The following SUPT3H variants were observed in gnomAD, a reference collection of about 807,000 sequenced individuals.
SUPT3H encodes transcription initiation protein SPT3 homolog.
A neutral mutation model predicts 44.3 loss-of-function variants in SUPT3H; 44 were observed. The ratio of observed to expected loss-of-function variants is 0.99; its 90% CI spans 0.78 to 1.28. The LOEUF (loss-of-function observed/expected upper bound fraction) is 1.28, where lower values mean the gene tolerates loss of function less well. SUPT3H is among the 50% of genes most tolerant of loss of function. The pLI is 0.00. For synonymous variants in SUPT3H, 124 were observed against 125.6 expected, an observed-to-expected ratio of 0.99 and a Z score of 0.09; for missense variants, 380 against 387.1, an observed-to-expected ratio of 0.98 and a Z score of 0.15.
chr6:44,898,692 G>A (rs1177063758), intron 10 of SUPT3H: 1 of 152,356 alleles, frequency 6.6e-6, no homozygotes, highest in Non-Finnish European at 1.5e-5. Flanking sequence ...ACTGCCACAG[G>A]GCCTGGCCGC....
intron 2 of SUPT3H, among the ~76,000 whole-genome samples, chr6:45,301,686 T>G (rs998222772): frequency 1.1e-4 from 16 of 152,214 alleles, no homozygotes; most frequent in Non-Finnish European, 1.0e-4. Flanking sequence ...CTCTTAACAT[T>G]GTCAAATACT....
At chr6:45,292,419 AAC>A (rs1780459211) in intron 2 of SUPT3H, among the ~76,000 whole-genome samples, 1 of 152,118 alleles carries the variant, frequency 6.6e-6, no homozygotes, top group African/African-American at 2.4e-5. Flanking sequence ...AAAAAACAAA[AAC>A]AAAATCTAAT....
At chr6:44,909,140 TGC>T (rs899949050) in intron 10 of SUPT3H, among the ~76,000 whole-genome samples, 12 of 81,260 alleles carry the variant, frequency 1.5e-4, no homozygotes, top group South Asian at 6.8e-4. Flanking sequence ...TGTGTGTGTG[TGC>T]GTGTGTGTGT....
chr6:44,855,058 T>C (rs546745115), intron 10 of SUPT3H, among the ~76,000 whole-genome samples: 1 of 152,350 alleles, frequency 6.6e-6, no homozygotes, highest in South Asian at 2.1e-4. Context: ...CTTGCAATTC[T>C]TGGGTTATCA....
chr6:45,215,536 A>C (rs1764896825), intron 2 of SUPT3H, among the ~76,000 whole-genome samples: 1 of 152,206 alleles, frequency 6.6e-6, no homozygotes. Context: ...TCAATGAATG[A>C]AATTTTTAAA....
intron 10 of SUPT3H, among the ~76,000 whole-genome samples, chr6:44,858,466 ATTGCT>A (rs1436079646): frequency 1.3e-5 from 2 of 152,168 alleles, no homozygotes; most frequent in African/African-American, 2.4e-5. Context: ...ATTTTGTTGC[ATTGCT>A]TTGTTTTGGT....
At chr6:44,859,618 G>A (rs2153424859) in intron 10 of SUPT3H, among the ~76,000 whole-genome samples, 1 of 152,242 alleles carries the variant, frequency 6.6e-6, no homozygotes, top group East Asian at 1.9e-4. Flanking sequence ...TGACAAATGT[G>A]TTGACCAAAG....
intron 2 of SUPT3H, among the ~76,000 whole-genome samples, chr6:45,253,933 A>G (rs576761119): frequency 1.3e-5 from 2 of 149,190 alleles, no homozygotes; most frequent in East Asian, 2.0e-4. Flanking sequence ...ACAAAAATAC[A>G]TACATATATA....
rs529504054 is a variant in SUPT3H at position 44,933,100 on chromosome 6, A to T, written c.802-337T>A. Reference sequence around the variant, plus strand: ...AAGAACCACAGGAAGTTATTTTTTTAAAAAAAACATTTTAACATTTATTAT... The same window carrying T: ...AAGAACCACAGGAAGTTATTTTTTTTAAAAAAACATTTTAACATTTATTAT... On this transcript the variant is annotated intron_variant, in intron 9 of 10. Transcript: ENST00000371459. Among the ~76,000 whole-genome samples, 560 of 148,742 alleles carry T rather than the reference A, an allele frequency of 3.8e-3. 1 individual carries two copies. Among genetic ancestry groups the T allele is most frequent in the African/African-American group, 0.013 (506 of 38,388 alleles).
intron 2 of SUPT3H, among the ~76,000 whole-genome samples, chr6:45,257,485 T>C (rs1289871370): frequency 1.3e-5 from 2 of 152,200 alleles, no homozygotes; most frequent in African/African-American, 4.8e-5. Flanking sequence ...ATGTCATACA[T>C]AGACTAGGTT....
intron 10 of SUPT3H, among the ~76,000 whole-genome samples, chr6:44,898,232 G>A (rs578143467): frequency 1.3e-5 from 2 of 152,208 alleles, no homozygotes; most frequent in African/African-American, 4.8e-5. Context: ...CTTGCCTCCG[G>A]GTATTCATGC....
At chr6:45,162,188 T>G (rs1371620982) in intron 2 of SUPT3H, among the ~76,000 whole-genome samples, 2 of 151,960 alleles carry the variant, frequency 1.3e-5, no homozygotes, top group Non-Finnish European at 2.9e-5. Flanking sequence ...AATTCAGTGT[T>G]ATATGACTTG....
chr6:44,891,520 C>T (rs1763312635), intron 10 of SUPT3H, among the ~76,000 whole-genome samples: 1 of 151,852 alleles, frequency 6.6e-6, no homozygotes, highest in Non-Finnish European at 1.5e-5. Flanking sequence ...TCATATAATT[C>T]CATTTATATG....
chr6:45,135,650 A>G (rs916352614), intron 2 of SUPT3H, among the ~76,000 whole-genome samples: 2 of 151,758 alleles, frequency 1.3e-5, no homozygotes, highest in Non-Finnish European at 2.9e-5. Flanking sequence ...CAGTGCCCTT[A>G]TAAAAGAAAC....
chr6:45,039,647 T>G (rs1788211656), intron 3 of SUPT3H, among the ~76,000 whole-genome samples: 1 of 151,780 alleles, frequency 6.6e-6, no homozygotes, highest in South Asian at 2.1e-4. Flanking sequence ...GGGCGTGGTG[T>G]TGGGCTCCTG....
intron 5 of SUPT3H, among the ~76,000 whole-genome samples, chr6:45,006,249 T>C (rs1208982557): frequency 1.3e-5 from 2 of 152,124 alleles, no homozygotes; most frequent in Non-Finnish European, 2.9e-5. Context: ...TGGTTGTTTA[T>C]AATGTCTCAA....
At chr6:44,952,204 TC>T (rs1774419193) in intron 9 of SUPT3H, among the ~76,000 whole-genome samples, 3 of 152,180 alleles carry the variant, frequency 2.0e-5, no homozygotes, top group Admixed American at 1.3e-4. Flanking sequence ...TTTCTATGTA[TC>T]CTAGAGCAGA....
chr6:45,370,940 A>T (rs1198090814), intron 1 of SUPT3H, among the ~76,000 whole-genome samples: 8 of 152,194 alleles, frequency 5.3e-5, no homozygotes, highest in Non-Finnish European at 7.4e-5. Context: ...CTTTGCAAAA[A>T]CAGTCCCTAA....
intron 9 of SUPT3H, among the ~76,000 whole-genome samples, chr6:44,944,781 A>AAAAAAAAAAAG (rs1185186363): frequency 2.9e-5 from 4 of 137,046 alleles, no homozygotes; most frequent in African/African-American, 7.7e-5. Flanking sequence ...AAAAAAAAAA[A>AAAAAAAAAAAG]AAAAGAAAAG....
Sources: allele counts gnomAD v4.1 joint callset (sites outside exome capture counted in the v4.1 genomes callset), GRCh38; gene constraint gnomAD v4.1.1; transcripts MANE v1.5; gene names NCBI Gene and HGNC (gene_info 2026-07-23, HGNC 2026-07-21).